STK33: variants seen among roughly 807,000 people sequenced by gnomAD.
STK33 encodes serine/threonine kinase 33, also known as serine/threonine-protein kinase 33.
Under a neutral mutation model 58.0 loss-of-function variants are expected in STK33, and 52 were observed. The ratio of observed to expected loss-of-function variants is 0.90; its 90% confidence interval spans 0.72 to 1.13. The LOEUF (loss-of-function observed/expected upper bound fraction) is 1.13. Among genes scored for constraint, STK33 ranks in the 50% most tolerant of loss-of-function variants. The pLI is 0.00. For missense variants in STK33, 630 were observed against 604.2 expected, an observed-to-expected ratio of 1.04 and a Z score of -0.45; for synonymous variants, 215 against 200.1, an observed-to-expected ratio of 1.07 and a Z score of -0.63.
chr11:8,589,804 T>C (rs1472036511), intron 1 of STK33, among the ~76,000 whole-genome samples: 1 of 152,104 alleles, frequency 6.6e-6, no homozygotes, highest in African/African-American at 2.4e-5. Flanking sequence ...TAATAACAAA[T>C]ATGAAAAATA....
At chr11:8,542,782 G>A (rs1037444616) in intron 1 of STK33, among the ~76,000 whole-genome samples, 13 of 151,884 alleles carry the variant, frequency 8.6e-5, no homozygotes, top group African/African-American at 2.9e-4. Context: ...GCACGATCTC[G>A]GCTGCAACCT....
intron 7 of STK33, among the ~76,000 whole-genome samples, chr11:8,462,257 T>G (rs2137306744): frequency 6.6e-6 from 1 of 152,094 alleles, no homozygotes; most frequent in Middle Eastern, 3.4e-3. Context: ...TTTTGATATT[T>G]CCTTTAAAAA....
At chr11:8,490,066 T>C (rs1395990485) in intron 1 of STK33, among the ~76,000 whole-genome samples, 1 of 152,036 alleles carries the variant, frequency 6.6e-6, no homozygotes, top group Non-Finnish European at 1.5e-5. Context: ...TTGGGATGGG[T>C]TGGACAGTGG....
intron 1 of STK33, among the ~76,000 whole-genome samples, chr11:8,510,309 T>C (rs1032129489): frequency 5.3e-5 from 8 of 152,178 alleles, no homozygotes; most frequent in Non-Finnish European, 7.4e-5. Context: ...CTGTTGAGAA[T>C]TGTCTATTCA....
chr11:8,478,049 C>A (rs960096192), intron 2 of STK33, among the ~76,000 whole-genome samples: 4 of 152,114 alleles, frequency 2.6e-5, no homozygotes, highest in Admixed American at 6.5e-5. Flanking sequence ...TGGCTGAATT[C>A]TAATTATTTT....
chr11:8,397,891 CAAG>C (rs1849649993), intron 15 of STK33, among the ~76,000 whole-genome samples: 1 of 151,988 alleles, frequency 6.6e-6, no homozygotes, highest in African/African-American at 2.4e-5. Context: ...TGAAATGAAG[CAAG>C]AAGAGAAGTT....
At chr11:8,357,477 C>G in the STK33 span, among the ~76,000 whole-genome samples, 3 of 152,256 alleles carry the variant, frequency 2.0e-5, no homozygotes, top group Non-Finnish European at 4.4e-5. Flanking sequence ...TAAGTGCCAA[C>G]TATTAATATA....
At chr11:8,429,763 T>C (rs1943195887) in intron 14 of STK33, among the ~76,000 whole-genome samples, 1 of 152,126 alleles carries the variant, frequency 6.6e-6, no homozygotes, top group Non-Finnish European at 1.5e-5. Flanking sequence ...CCTGTTCCAA[T>C]ACTCATCTTG....
chr11:8,353,078 T>C, the STK33 span, among the ~76,000 whole-genome samples: 10 of 152,326 alleles, frequency 6.6e-5, no homozygotes, highest in East Asian at 1.9e-3. Context: ...GATCTACCTG[T>C]GGCATCAGCA....
chr11:8,371,633 CTTCT>C, the STK33 span, among the ~76,000 whole-genome samples: 3 of 102,932 alleles, frequency 2.9e-5, no homozygotes, highest in South Asian at 2.9e-4. Flanking sequence ...TCCTTCCTTC[CTTCT>C]TTCTTCCTTT....
chr11:8,550,021 C>T (rs956723516), intron 1 of STK33, among the ~76,000 whole-genome samples: 4 of 152,110 alleles, frequency 2.6e-5, no homozygotes, highest in Admixed American at 6.6e-5. Context: ...TAACTTTGTA[C>T]TTTGTATTTC....
downstream of STK33, among the ~76,000 whole-genome samples, chr11:8,387,129 C>G (rs1405715917): frequency 6.6e-6 from 1 of 152,232 alleles, no homozygotes; most frequent in Non-Finnish European, 1.5e-5. Flanking sequence ...GTGCTTGAGT[C>G]TCGACCAAAT....
chr11:8,429,720 T>C (rs1350499647), intron 14 of STK33, among the ~76,000 whole-genome samples: 4 of 152,124 alleles, frequency 2.6e-5, no homozygotes, highest in Non-Finnish European at 4.4e-5. Context: ...CACTAACTGA[T>C]AGAGTCTCAA....
intron 14 of STK33, among the ~76,000 whole-genome samples, chr11:8,432,705 G>C (rs1294678804): frequency 1.3e-5 from 2 of 152,170 alleles, no homozygotes; most frequent in African/African-American, 4.8e-5. Flanking sequence ...GGCGCTGAGA[G>C]AACTACATAT....
the STK33 span, among the ~76,000 whole-genome samples, chr11:8,365,023 T>C: frequency 3.4e-5 from 5 of 149,140 alleles, no homozygotes; most frequent in Non-Finnish European, 7.4e-5. Context: ...AGTGTCATGA[T>C]TGGGCTGAGA....
chr11:8,424,362 C>T (rs1374273900), intron 14 of STK33, among the ~76,000 whole-genome samples: 8 of 149,802 alleles, frequency 5.3e-5, no homozygotes, highest in Middle Eastern at 3.4e-3. Flanking sequence ...TGTATATGTA[C>T]CTCATTTTCT....
At chr11:8,456,599 T>C in intron 9 of STK33, among the ~76,000 whole-genome samples, 1 of 152,330 alleles carries the variant, frequency 6.6e-6, no homozygotes, top group Non-Finnish European at 1.5e-5. Flanking sequence ...AAAGTTTTTG[T>C]TCATCTGTAA....
the STK33 span, among the ~76,000 whole-genome samples, chr11:8,375,291 A>G: frequency 6.6e-6 from 1 of 152,228 alleles, no homozygotes; most frequent in Non-Finnish European, 1.5e-5. Context: ...ACATCTTTCT[A>G]ACAACTAGCA....
the STK33 span, among the ~76,000 whole-genome samples, chr11:8,371,851 T>TTCCC: frequency 5.5e-5 from 7 of 127,108 alleles, no homozygotes; most frequent in South Asian, 3.1e-4. Context: ...TCCTCCTTCC[T>TTCCC]TCCCTCCCTC....
Sources: gnomAD v4.1 joint callset for allele counts (sites outside exome capture counted in the v4.1 genomes callset) on GRCh38, gnomAD v4.1.1 for gene constraint, MANE v1.5 for transcripts, NCBI Gene and HGNC (gene_info 2026-07-23, HGNC 2026-07-21) for gene names.